Variants in ACTR3C observed in about 807,000 individuals in gnomAD.
ACTR3C encodes the protein actin related protein 3C, also known as actin-related protein 3C.
ACTR3C carries 18 observed loss-of-function variants against 26.3 expected under a neutral mutation model. That is an observed-to-expected ratio of 0.68 (90% confidence interval 0.47 to 1.01). The LOEUF is 1.01. ACTR3C is among the 50% of genes least tolerant of loss of function. The pLI, the probability that ACTR3C is intolerant of heterozygous loss-of-function variation, is 0.00. For missense variants in ACTR3C, 184 were observed against 250.7 expected (o/e 0.73, Z 1.80); for synonymous variants, 55 against 94.5 (o/e 0.58, Z 2.42).
At chr7:149,963,068 G>A in the ACTR3C span, among the ~76,000 whole-genome samples, 2 of 152,210 alleles carry the variant, frequency 1.3e-5, no homozygotes, top group East Asian at 3.9e-4. Flanking sequence ...AGAGGCCATG[G>A]GGGGCGTGGA....
chr7:150,254,019 T>C (rs1322456509), intron 6 of ACTR3C, among the ~76,000 whole-genome samples: 1 of 152,176 alleles, frequency 6.6e-6, no homozygotes, highest in East Asian at 1.9e-4. Flanking sequence ...TCAACACACC[T>C]TTGACTATTC....
At chr7:149,968,469 T>C in the ACTR3C span, among the ~76,000 whole-genome samples, 1 of 151,824 alleles carries the variant, frequency 6.6e-6, no homozygotes, top group Non-Finnish European at 1.5e-5. Context: ...GGAGGCGGAG[T>C]TTGCAGTGAG....
chr7:150,121,833 A>G, the ACTR3C span, among the ~76,000 whole-genome samples: 2 of 152,208 alleles, frequency 1.3e-5, no homozygotes, highest in African/African-American at 2.4e-5. Context: ...ACTTCAAACT[A>G]TAAGGCTACA....
the ACTR3C span, among the ~76,000 whole-genome samples, chr7:150,212,565 T>G: frequency 7.5e-4 from 113 of 150,080 alleles, no homozygotes; most frequent in Non-Finnish European, 1.6e-3. Flanking sequence ...TAAAAAGAAT[T>G]TATTTATTTA....
chr7:150,035,261 T>A, the ACTR3C span, among the ~76,000 whole-genome samples: 5 of 76,088 alleles, frequency 6.6e-5, no homozygotes, highest in African/African-American at 9.0e-5. Context: ...AACCAGGGGC[T>A]GGCTCTCAGT....
chr7:150,201,187 C>T, the ACTR3C span, among the ~76,000 whole-genome samples: 4 of 152,150 alleles, frequency 2.6e-5, no homozygotes, highest in Admixed American at 2.6e-4. Context: ...CTTAAAAGAC[C>T]TCATGCTTGT....
At chr7:150,137,692 T>G in the ACTR3C span, among the ~76,000 whole-genome samples, 1 of 152,210 alleles carries the variant, frequency 6.6e-6, no homozygotes, top group Non-Finnish European at 1.5e-5. Context: ...GAACAGTTAA[T>G]TTAGTCTTCG....
At chr7:150,095,623 C>CT in the ACTR3C span, among the ~76,000 whole-genome samples, 1,276 of 138,170 alleles carry the variant, frequency 9.2e-3, 75 homozygotes, top group African/African-American at 0.029. Flanking sequence ...AAGTCCTATG[C>CT]TTTTTTTTTT....
At chr7:150,184,746 C>A in the ACTR3C span, among the ~76,000 whole-genome samples, 1 of 149,560 alleles carries the variant, frequency 6.7e-6, no homozygotes, top group Non-Finnish European at 1.5e-5. Context: ...AGGGCCCACA[C>A]GCTAAGGGGG....
the ACTR3C span, among the ~76,000 whole-genome samples, chr7:150,014,336 G>A: frequency 6.6e-6 from 1 of 151,712 alleles, no homozygotes; most frequent in Non-Finnish European, 1.5e-5. Flanking sequence ...GGCGCCTGCA[G>A]TCCCAGCTAC....
chr7:149,994,917 T>C, the ACTR3C span, among the ~76,000 whole-genome samples: 146,841 of 148,222 alleles, frequency 0.99, 72,748 homozygotes, highest in East Asian at 1. Flanking sequence ...TGCAATGGAG[T>C]GATCTCGGCT....
chr7:150,169,504 G>A, the ACTR3C span, among the ~76,000 whole-genome samples: 4 of 149,968 alleles, frequency 2.7e-5, no homozygotes, highest in South Asian at 8.3e-4. Flanking sequence ...AATTCAGCAA[G>A]AAGCTTATCT....
chr7:150,099,541 C>T, the ACTR3C span, among the ~76,000 whole-genome samples: 7 of 151,346 alleles, frequency 4.6e-5, no homozygotes, highest in South Asian at 4.2e-4. Context: ...ATGGGACATC[C>T]GACCCTAGGC....
At chr7:150,290,357 A>G in intron 3 of ACTR3C, among the ~76,000 whole-genome samples, 1 of 152,264 alleles carries the variant, frequency 6.6e-6, no homozygotes, top group Non-Finnish European at 1.5e-5. Context: ...AAGCTCCCTC[A>G]TCAGCCTTCC....
At chr7:150,245,231 C>T (rs1031893723), downstream of ACTR3C, 2 of 152,232 alleles carry the variant, frequency 1.3e-5, no homozygotes, top group African/African-American at 4.8e-5. Context: ...GATAATTTGC[C>T]CAAGCTACCT....
chr7:149,908,415 C>G, the ACTR3C span, among the ~76,000 whole-genome samples: 2 of 152,064 alleles, frequency 1.3e-5, no homozygotes, highest in African/African-American at 2.4e-5. Context: ...ACATTCATGG[C>G]CAGTTTTTCA....
chr7:150,240,844 A>C (rs1832139060), downstream of ACTR3C, among the ~76,000 whole-genome samples: 1 of 152,242 alleles, frequency 6.6e-6, no homozygotes, highest in Non-Finnish European at 1.5e-5. Flanking sequence ...GACCAGATCT[A>C]ATAATTGATG....
intron 2 of ACTR3C, among the ~76,000 whole-genome samples, chr7:150,294,456 T>G (rs1273665678): frequency 2.0e-5 from 3 of 152,232 alleles, no homozygotes; most frequent in Non-Finnish European, 4.4e-5. Context: ...TTATGTCTCC[T>G]GAAGTGTTTC....
chr7:149,983,925 A>G, the ACTR3C span, among the ~76,000 whole-genome samples: 1 of 152,128 alleles, frequency 6.6e-6, no homozygotes, highest in Non-Finnish European at 1.5e-5. Flanking sequence ...GCAGACTTGT[A>G]CAGAGAGTAG....
Sources: allele counts gnomAD v4.1 joint callset (sites outside exome capture counted in the v4.1 genomes callset), GRCh38; gene constraint gnomAD v4.1.1; transcripts MANE v1.5; gene names NCBI Gene and HGNC (gene_info 2026-07-23, HGNC 2026-07-21).